ZZEF1: variants seen among roughly 807,000 people sequenced by gnomAD.
The protein encoded by ZZEF1 is zinc finger ZZ-type and EF-hand domain containing 1, also known as zinc finger ZZ-type and EF-hand domain-containing protein 1.
A neutral mutation model predicts 342.8 loss-of-function variants in ZZEF1; 157 were observed. The ratio of observed to expected loss-of-function variants is 0.46; its 90% confidence interval spans 0.40 to 0.52. The LOEUF (loss-of-function observed/expected upper bound fraction) is 0.52, where lower values mean the gene tolerates loss of function less well. ZZEF1 is among the 20% of genes least tolerant of loss of function. ZZEF1 has a pLI of 0.00. For missense variants in ZZEF1, 3,480 were observed against 3,725.6 expected (o/e 0.93, Z 1.72); for synonymous variants, 1,505 against 1,429.1 (o/e 1.05, Z -1.20).
At chr17:4,113,138 C>T (rs2058341614) in intron 4 of ZZEF1, among the ~76,000 whole-genome samples, 1 of 152,226 alleles carries the variant, frequency 6.6e-6, no homozygotes, top group Non-Finnish European at 1.5e-5. Flanking sequence ...ACTGAGTATA[C>T]TCTCTCATCT....
At position 4,032,885 on chromosome 17, in the gene ZZEF1, T is replaced by C; in HGVS notation, c.6702A>G (p.Pro2234=). 1 of 1,614,168 alleles carries C rather than the reference T, an allele frequency of 6.2e-7. No individual in the cohort carries two copies. Among genetic ancestry groups the C allele is most frequent in the South Asian group, 1.1e-5 (1 of 91,080 alleles). Residue 2234 remains proline (P), a synonymous_variant, in exon 41 of 55, where the codon CCA becomes CCG. Coordinates refer to ENST00000381638, the MANE Select transcript of ZZEF1 (RefSeq NM_015113.4). ...AGATGTTGGTGTGCTTCAGCTGGAA[T>C]GGCAGCTGCTTGATGCAGTGGTCTG... ...TFTDHCIKQL[P]FQLKHTNIFT...
At chr17:4,100,833 T>G (rs1229058208) in intron 9 of ZZEF1, among the ~76,000 whole-genome samples, 1 of 152,006 alleles carries the variant, frequency 6.6e-6, no homozygotes, top group Non-Finnish European at 1.5e-5. Context: ...AGACTTCGTC[T>G]CAAAAAAATA....
chr17:4,092,902 C>G (rs926655820), intron 11 of ZZEF1, among the ~76,000 whole-genome samples: 32 of 151,928 alleles, frequency 2.1e-4, no homozygotes, highest in Admixed American at 1.8e-3. Context: ...AGGCACAGCA[C>G]CAACTGCTGA....
At chr17:4,097,153 C>T (rs1286325364) in intron 9 of ZZEF1, among the ~76,000 whole-genome samples, 3 of 150,862 alleles carry the variant, frequency 2.0e-5, no homozygotes, top group South Asian at 2.1e-4. Context: ...CCCACCTACT[C>T]GGGAGGCTGA....
In ZZEF1 at chr17:4,066,560, ACAT is replaced by A; in HGVS notation, c.4156-23_4156-21del. The A allele has an allele frequency of 6.2e-7, 1 of 1,611,312 alleles. No homozygotes were observed. The highest frequency in any genetic ancestry group is 8.5e-7 in the Non-Finnish European group (1 of 1,177,492). On this transcript the variant is annotated intron_variant, in intron 27 of 54. Coordinates refer to ENST00000381638, the MANE Select transcript of ZZEF1 (RefSeq NM_015113.4). ...CTCTAACTAGGGGAGAATTTGAGCCACATCATTATGCTGTCCAGGCAGGGAAGC... is the reference window on the plus strand; with the variant it reads ...CTCTAACTAGGGGAGAATTTGAGCCACATTATGCTGTCCAGGCAGGGAAGC...
At chr17:4,138,246 G>A (rs1165356856) in intron 1 of ZZEF1, among the ~76,000 whole-genome samples, 1 of 152,202 alleles carries the variant, frequency 6.6e-6, no homozygotes, top group African/African-American at 2.4e-5. Context: ...ACAGTCAATA[G>A]TCTTAAAAGG....
In ZZEF1 at chr17:4,072,635, G is replaced by C. The variant is rs758558435; in HGVS notation, c.3807C>G (p.Pro1269=). The C allele has an allele frequency of 1.9e-6, 3 of 1,613,632 alleles. No individual in the cohort carries two copies. In the South Asian group the frequency reaches 3.3e-5, roughly 18 times the overall value. The change falls in exon 25 of 55, where the codon CCC becomes CCG. Residue 1269 remains proline (P), a synonymous_variant. Coordinates refer to ENST00000381638, the MANE Select transcript of ZZEF1 (RefSeq NM_015113.4). Reference sequence around the variant, plus strand: ...CCTTACTATTCCGGTGTGGGTGAGTGGGCCAGCTTGCTTCTAATTCCAACT... The same window carrying C: ...CCTTACTATTCCGGTGTGGGTGAGTCGGCCAGCTTGCTTCTAATTCCAACT... ...CPELELEASW[P]THPHRNSKEV...
intron 11 of ZZEF1, among the ~76,000 whole-genome samples, chr17:4,093,623 C>T (rs2057984342): frequency 6.6e-6 from 1 of 152,170 alleles, no homozygotes; most frequent in African/African-American, 2.4e-5. Flanking sequence ...TCTCAGACCC[C>T]ACCCAGAGCT....
intron 28 of ZZEF1, among the ~76,000 whole-genome samples, chr17:4,066,014 A>T (rs987595489): frequency 6.6e-6 from 1 of 152,060 alleles, no homozygotes; most frequent in African/African-American, 2.4e-5. Flanking sequence ...AGAGGAAAAA[A>T]AAATTTGCCA....
chr17:4,021,465 T>C (rs141226386), intron 44 of ZZEF1, 145 bp from the exon 45 acceptor site: 10,256 of 605,058 alleles, frequency 0.017, 119 homozygotes, highest in Non-Finnish European at 0.02. Flanking sequence ...GAAACACGAA[T>C]GTATGTTTAA....
Position 4,062,807 on chromosome 17 carries a change from G to A in ZZEF1, c.4829C>T (p.Pro1610Leu), listed in dbSNP as rs748763661. 15 of 1,612,836 alleles carry A rather than the reference G, an allele frequency of 9.3e-6. No homozygotes were observed. In the African/African-American group the frequency reaches 2.0e-4, roughly 22 times the overall value. The change falls in exon 30 of 55, where the codon CCA (proline) becomes CTA (leucine). Residue 1610 changes from proline (P) to leucine (L), a missense_variant. Around this residue, in one of 5 missense-constraint regions of ZZEF1, gnomAD observed 1,528 missense variants for 1,624.1 expected, o/e 0.94. Transcript: ENST00000381638. ...ESLGQPHCFH[P>L]PFILFLLELL... is the part of the protein sequence containing the mutation. ...TTCCAACAGGAAAAGTATGAAAGGT[G>A]GATGGAAGCAGTGGGGCTGCCCAAG...
At chr17:4,071,761 G>A (rs566795462) in intron 25 of ZZEF1, among the ~76,000 whole-genome samples, 4 of 152,280 alleles carry the variant, frequency 2.6e-5, no homozygotes, top group African/African-American at 4.8e-5. Context: ...GTTAAGGGGA[G>A]TCAGGACATT....
Position 4,008,842 on chromosome 17 carries a change from C to G in ZZEF1, c.8805+41G>C, listed in dbSNP as rs927858310. On this transcript the variant is annotated intron_variant, in intron 54 of 54. Coordinates refer to ENST00000381638, the MANE Select transcript of ZZEF1 (RefSeq NM_015113.4). The surrounding 1 kb of genome is among the most constrained non-coding windows in gnomAD (Gnocchi z 4.2). ...CCCTGGCAATGGTGAGATGGTGGCG[C>G]CCCAGCCTGGGGGCCAGCTCTGTTG... is the stretch of plus-strand genomic sequence containing the variant. 1 of 1,541,118 alleles carries G rather than the reference C, an allele frequency of 6.5e-7. No individual in the cohort carries two copies. Among genetic ancestry groups the G allele is most frequent in the Admixed American group, 2.0e-5 (1 of 50,946 alleles).
In ZZEF1 at chr17:4,059,314, T is replaced by C. The variant is rs1261191380; in HGVS notation, c.4884-24A>G. ...AACTAGAAACAGAGGAAATCACTGA[T>C]TCACTTAATTGCCAGAACATCTTTT... On this transcript the variant is annotated intron_variant, in intron 30 of 54. Transcript: ENST00000381638. 5.7e-6 allele frequency: 9 copies of C among 1,586,718 alleles called. No individual in the cohort carries two copies. The African/African-American group carries it at 1.2e-4, about 22-fold the overall frequency.
chr17:4,051,524 G>A (rs566442193), intron 35 of ZZEF1, among the ~76,000 whole-genome samples: 3 of 151,956 alleles, frequency 2.0e-5, no homozygotes, highest in Non-Finnish European at 4.4e-5. Context: ...AGGTTCAAGC[G>A]ATTCTCATGC....
intron 41 of ZZEF1, 45 bp downstream of exon 41, chr17:4,032,783 G>C (rs950125205): frequency 6.2e-7 from 1 of 1,601,478 alleles, no homozygotes; most frequent in Admixed American, 1.7e-5. Context: ...GTATAGTGAA[G>C]ACTGGAAGGG....
At chr17:4,116,504 T>G (rs1286407177) in intron 3 of ZZEF1, among the ~76,000 whole-genome samples, 1 of 152,226 alleles carries the variant, frequency 6.6e-6, no homozygotes, top group African/African-American at 2.4e-5. Flanking sequence ...CATCATGAAC[T>G]TCTGTTGCCA....
At chr17:4,027,588 C>G (rs558749427) in intron 42 of ZZEF1, among the ~76,000 whole-genome samples, 1 of 142,356 alleles carries the variant, frequency 7.0e-6, no homozygotes, top group East Asian at 2.0e-4. Flanking sequence ...AGCCACTGTG[C>G]CCTGCCTTTT....
At position 4,014,554 on chromosome 17, in the gene ZZEF1, C is replaced by A. The variant is rs199879588; in HGVS notation, c.8146-39G>T. The A allele has an allele frequency of 4.4e-6, 7 of 1,606,662 alleles. No homozygotes were observed. In the Admixed American group the frequency reaches 1.2e-4, roughly 27 times the overall value. ...ATGGAGAACACATCTGTCGATGCTGCTCACTAGACACTGACTGCAGCTGTC... is the reference window on the plus strand; with the variant it reads ...ATGGAGAACACATCTGTCGATGCTGATCACTAGACACTGACTGCAGCTGTC... On this transcript the variant is annotated intron_variant, in intron 49 of 54. Coordinates refer to ENST00000381638, the MANE Select transcript of ZZEF1 (RefSeq NM_015113.4). The surrounding 1 kb of genome is among the most constrained non-coding windows in gnomAD (Gnocchi z 4.4).
Sources: gnomAD v4.1 joint callset for allele counts (sites outside exome capture counted in the v4.1 genomes callset) on GRCh38, gnomAD v4.1.1 for gene constraint, gnomAD v4.1.1 regional missense constraint, Gnocchi (gnomAD v3.1) non-coding constraint, MANE v1.5 for transcripts, NCBI Gene and HGNC (gene_info 2026-07-23, HGNC 2026-07-21) for gene names.